The following SLC39A14 variants were observed in gnomAD, a reference collection of about 807,000 sequenced individuals.
SLC39A14 encodes the protein solute carrier family 39 member 14.
A neutral mutation model predicts 45.5 loss-of-function variants in SLC39A14; 19 were observed. That is an observed-to-expected ratio of 0.42 (90% CI 0.29 to 0.61). The LOEUF is 0.61. Among genes scored for constraint, SLC39A14 ranks in the 20% least tolerant of loss-of-function variants. The pLI is 0.22. For missense variants in SLC39A14, 447 were observed against 616.5 expected (o/e 0.73, Z 2.91); for synonymous variants, 264 against 251.3 (o/e 1.05, Z -0.48).
intron 1 of SLC39A14, among the ~76,000 whole-genome samples, chr8:22,401,610 C>T (rs968733871): frequency 1.2e-4 from 15 of 128,726 alleles, no homozygotes; most frequent in African/African-American, 4.4e-4. Flanking sequence ...TGCAGTGGCA[C>T]TATCTCGGCT....
In SLC39A14 at chr8:22,399,129, C is replaced by T. The variant is rs184771482; in HGVS notation, c.-15-5567C>T. Among the ~76,000 whole-genome samples the T allele has an allele frequency of 1.7e-4, 26 of 152,290 alleles. 1 individual carries two copies. In the East Asian group the frequency reaches 4.1e-3, roughly 24 times the overall value. On this transcript the variant is annotated intron_variant, in intron 1 of 8. Coordinates refer to ENST00000381237, the MANE Select transcript of SLC39A14 (RefSeq NM_001128431.4). Reference sequence around the variant, plus strand: ...GGTGTCCATCCTTACTTGAGGGCAGCTGGCCTGACACCCTGGGGGGACTGG... The same window carrying T: ...GGTGTCCATCCTTACTTGAGGGCAGTTGGCCTGACACCCTGGGGGGACTGG...
intron 2 of SLC39A14, among the ~76,000 whole-genome samples, chr8:22,408,020 T>C (rs575949164): frequency 2.0e-5 from 3 of 152,326 alleles, no homozygotes; most frequent in Admixed American, 2.0e-4. Flanking sequence ...TTGGTGACAA[T>C]GATTGGAATC....
At position 22,378,178 on chromosome 8, in the gene SLC39A14, G is replaced by T. The variant is rs1586642808; in HGVS notation, c.-16+10770G>T. On this transcript the variant is annotated intron_variant, in intron 1 of 8. Transcript: ENST00000381237. ...AGGACAGAGTGCAGAGACCCATACT[G>T]CCTGGCCCTGCCACCTGTGACCAGA... Among the ~76,000 whole-genome samples, 3 of 152,308 alleles carry T rather than the reference G, an allele frequency of 2.0e-5. No homozygotes were observed. In the South Asian group the frequency reaches 6.2e-4, roughly 32 times the overall value.
intron 1 of SLC39A14, among the ~76,000 whole-genome samples, chr8:22,368,384 T>C (rs1832748310): frequency 6.6e-6 from 1 of 152,158 alleles, no homozygotes; most frequent in Non-Finnish European, 1.5e-5. Flanking sequence ...CTGTCCCTGC[T>C]CTGCTCTTAA....
intron 1 of SLC39A14, among the ~76,000 whole-genome samples, chr8:22,382,997 C>A (rs1010704808): frequency 6.6e-6 from 1 of 151,842 alleles, no homozygotes; most frequent in African/African-American, 2.4e-5. Context: ...GGATTACAGG[C>A]GTGAGTCACC....
At chr8:22,394,038 C>T (rs1474810885) in intron 1 of SLC39A14, among the ~76,000 whole-genome samples, 7 of 144,064 alleles carry the variant, frequency 4.9e-5, no homozygotes, top group East Asian at 4.0e-4. Flanking sequence ...GACAGAGTCT[C>T]GCTCTGTTGC....
At chr8:22,392,776 G>GCTCC (rs1419826740) in intron 1 of SLC39A14, 7 of 152,344 alleles carry the variant, frequency 4.6e-5, no homozygotes, top group East Asian at 1.9e-4. Context: ...TGGCAAATGT[G>GCTCC]CTCCCTCCCT....
At chr8:22,394,863 C>G (rs1482532317) in intron 1 of SLC39A14, among the ~76,000 whole-genome samples, 1 of 152,132 alleles carries the variant, frequency 6.6e-6, no homozygotes, top group African/African-American at 2.4e-5. Context: ...ATTCTCGGCT[C>G]ATAGTTTCTT....
At chr8:22,417,944 C>T in intron 8 of SLC39A14, 109 bp downstream of exon 8, 8 of 954,810 alleles carry the variant, frequency 8.4e-6, no homozygotes, top group Non-Finnish European at 1.1e-5. Context: ...ACTCTGTCTC[C>T]CAGGCTGGAG....
At position 22,367,772 on chromosome 8, in the gene SLC39A14, G is replaced by C. The variant is rs1436296353; in HGVS notation, c.-16+364G>C. On this transcript the variant is annotated intron_variant, in intron 1 of 8. Coordinates refer to ENST00000381237, the MANE Select transcript of SLC39A14 (RefSeq NM_001128431.4). The surrounding 1 kb of genome is among the most constrained non-coding windows in gnomAD (Gnocchi z 4.2). ...CAATCCGAGGGGCGGCTCTTGGGGC[G>C]GCTCTATGGGGCTCTGGGGTCTGGA... 1.3e-5 allele frequency: 2 copies of C among 152,396 alleles called. No homozygotes were observed. The highest frequency in any genetic ancestry group is 1.3e-4 in the Admixed American group (2 of 15,278). 9.4% of individuals were successfully genotyped at this position (152,396 alleles called of 1,614,324 possible). A position where few individuals can be genotyped will look rare whatever the true frequency, so the allele number is the denominator to read the frequency against.
chr8:22,385,898 A>C (rs980230619), intron 1 of SLC39A14, among the ~76,000 whole-genome samples: 1 of 152,166 alleles, frequency 6.6e-6, no homozygotes, highest in Non-Finnish European at 1.5e-5. Flanking sequence ...AAGACATTGG[A>C]GGGGTTGAAG....
At chr8:22,386,565 C>T (rs1314444736) in intron 1 of SLC39A14, among the ~76,000 whole-genome samples, 3 of 152,238 alleles carry the variant, frequency 2.0e-5, no homozygotes, top group African/African-American at 7.2e-5. Context: ...CCGTGCCCAC[C>T]CCAGATGACT....
intron 8 of SLC39A14, among the ~76,000 whole-genome samples, chr8:22,433,540 C>CTT (rs555154342): frequency 0.011 from 1,243 of 118,188 alleles, 37 homozygotes; most frequent in African/African-American, 0.033. Context: ...TTATTTTATG[C>CTT]TTTTTTTTTT....
At chr8:22,392,209 G>C (rs1040118322) in intron 1 of SLC39A14, among the ~76,000 whole-genome samples, 1 of 152,164 alleles carries the variant, frequency 6.6e-6, no homozygotes, top group Non-Finnish European at 1.5e-5. Flanking sequence ...AAGTAAAGCC[G>C]TTGTCCTGAG....
chr8:22,427,068 G>A (rs552387867), downstream of SLC39A14, among the ~76,000 whole-genome samples: 9 of 151,800 alleles, frequency 5.9e-5, no homozygotes, highest in African/African-American at 1.5e-4. Flanking sequence ...CAAGACAGGC[G>A]GATCACCTGA....
rs762892475 is a variant in SLC39A14, at chr8:22,404,867, G to A, written c.157G>A (p.Glu53Lys). 3.1e-6 allele frequency: 5 copies of A among 1,614,154 alleles called. No individual in the cohort carries two copies. The highest frequency in any genetic ancestry group is 1.1e-5 in the South Asian group (1 of 91,074). ...FLQDLIHRYG[E>K]GDSLTLQQLK... Reference sequence around the variant, plus strand: ...GCAGGATCTAATACATCGGTATGGCGAGGGTGACAGCCTCACTCTGCAGCA... The same window carrying A: ...GCAGGATCTAATACATCGGTATGGCAAGGGTGACAGCCTCACTCTGCAGCA... The change falls in exon 2 of 9, where the codon GAG (glutamate) becomes AAG (lysine). Residue 53 changes from glutamate to lysine, a missense_variant. Transcript: ENST00000381237.
Position 22,379,998 on chromosome 8 carries a change from TAAAA to T in SLC39A14, c.-16+12594_-16+12597del, listed in dbSNP as rs949277192. 3.7e-4 allele frequency among the ~76,000 whole-genome samples: 53 copies of T among 145,204 alleles called. 1 individual carries two copies. In the East Asian group the frequency reaches 8.0e-3, roughly 22 times the overall value. ...ATATAATGGTTAAAAAGAATACAAA[TAAAA>T]AAACACAGTATAAAAATTATTACAT... On this transcript the variant is annotated intron_variant, in intron 1 of 8. Transcript: ENST00000381237.
intron 1 of SLC39A14, chr8:22,392,842 C>CGCTCAGCT (rs954926381): frequency 6.6e-6 from 1 of 152,270 alleles, no homozygotes; most frequent in African/African-American, 2.4e-5. Context: ...ACTCACTCCG[C>CGCTCAGCT]GCTCAGCGTG....
rs774136299 is a variant in SLC39A14 at position 22,404,983 on chromosome 8, A to G, written c.270+3A>G. 12 of 1,612,558 alleles carry G rather than the reference A, an allele frequency of 7.4e-6. No homozygotes were observed. Among genetic ancestry groups the G allele is most frequent in the Non-Finnish European group, 7.6e-6 (9 of 1,179,144 alleles). On this transcript the variant is annotated splice_donor_region_variant and intron_variant, in intron 2 of 8. Transcript: ENST00000381237. ...AAGGACACAGGAACCTCTCCACGGTAAGGCTCCCCTGTGAGCCAGCAGCTC... is the reference window on the plus strand; with the variant it reads ...AAGGACACAGGAACCTCTCCACGGTGAGGCTCCCCTGTGAGCCAGCAGCTC...
Sources: allele counts gnomAD v4.1 joint callset (sites outside exome capture counted in the v4.1 genomes callset), GRCh38; gene constraint gnomAD v4.1.1; non-coding constraint Gnocchi (gnomAD v3.1); transcripts MANE v1.5; gene names NCBI Gene and HGNC (gene_info 2026-07-23, HGNC 2026-07-21).